Variants in SNTG2 observed in about 807,000 individuals in gnomAD.
SNTG2 encodes the protein syntrophin gamma 2, also known as gamma-2-syntrophin.
SNTG2 carries 74 observed loss-of-function variants against 70.9 expected under a neutral mutation model. The observed-to-expected ratio is 1.04, with a 90% CI of 0.86 to 1.27. SNTG2 has a LOEUF of 1.27. Ranked by LOEUF, SNTG2 falls within the 50% of genes most tolerant of loss-of-function variation. SNTG2 has a pLI of 0.00. For synonymous variants in SNTG2, 278 were observed against 273.8 expected (o/e 1.02, Z -0.15); for missense variants, 717 against 690.7 (o/e 1.04, Z -0.43).
intron 1 of SNTG2, among the ~76,000 whole-genome samples, chr2:967,566 A>C (rs1319261079): frequency 6.6e-6 from 1 of 152,162 alleles, no homozygotes; most frequent in Non-Finnish European, 1.5e-5. Context: ...CTTTGGTCAC[A>C]ATGTATCATC....
intron 14 of SNTG2, among the ~76,000 whole-genome samples, chr2:1,304,728 C>CAA (rs58886426): frequency 7.1e-6 from 1 of 140,756 alleles, no homozygotes; most frequent in Admixed American, 7.0e-5. Context: ...CTCTCTCTCT[C>CAA]AAAAAAAAAA....
intron 1 of SNTG2, among the ~76,000 whole-genome samples, chr2:951,320 C>G (rs6720676): frequency 6.6e-6 from 1 of 152,228 alleles, no homozygotes; most frequent in Non-Finnish European, 1.5e-5. Flanking sequence ...CAGCGTCTTC[C>G]AAGGTTTGGT....
At chr2:1,025,787 A>G (rs1459691339) in intron 1 of SNTG2, among the ~76,000 whole-genome samples, 2 of 152,186 alleles carry the variant, frequency 1.3e-5, no homozygotes, top group African/African-American at 2.4e-5. Context: ...CTCATCTGCA[A>G]TGTCCCCCTG....
chr2:988,425 G>A (rs1272754944), intron 1 of SNTG2, among the ~76,000 whole-genome samples: 1 of 152,172 alleles, frequency 6.6e-6, no homozygotes, highest in Non-Finnish European at 1.5e-5. Flanking sequence ...ATTTTACCAC[G>A]TGGAGTTTTG....
chr2:959,668 A>G (rs1482286186), intron 1 of SNTG2, among the ~76,000 whole-genome samples: 1 of 149,640 alleles, frequency 6.7e-6, no homozygotes, highest in Non-Finnish European at 1.5e-5. Context: ...CCAGTGTCAC[A>G]GAATTGCATC....
chr2:1,243,263 AAAG>A (rs908594920), intron 11 of SNTG2, among the ~76,000 whole-genome samples: 15 of 152,284 alleles, frequency 9.9e-5, no homozygotes, highest in African/African-American at 2.6e-4. Context: ...CCGATATAGA[AAAG>A]AAGAAGAGCC....
intron 8 of SNTG2, among the ~76,000 whole-genome samples, chr2:1,183,675 G>A (rs28566019): frequency 0.32 from 47,909 of 151,930 alleles, 8,130 homozygotes; most frequent in East Asian, 0.66. Flanking sequence ...GTGTGTGTGT[G>A]TACACATATA....
chr2:1,041,368 G>A (rs1342971816), intron 1 of SNTG2, among the ~76,000 whole-genome samples: 1 of 152,180 alleles, frequency 6.6e-6, no homozygotes, highest in Non-Finnish European at 1.5e-5. Flanking sequence ...CTTAAGTAAG[G>A]ATCCAATCTA....
intron 16 of SNTG2, among the ~76,000 whole-genome samples, chr2:1,324,467 A>C (rs1681681095): frequency 6.6e-6 from 1 of 152,240 alleles, no homozygotes; most frequent in African/African-American, 2.4e-5. Flanking sequence ...AAAAAAGAGA[A>C]CCTATTCTAT....
intron 7 of SNTG2, among the ~76,000 whole-genome samples, chr2:1,167,694 C>T (rs1190624460): frequency 7.7e-5 from 6 of 78,274 alleles, no homozygotes; most frequent in East Asian, 6.6e-4. Context: ...GCCTAGAAGC[C>T]GCCCACAGAC....
chr2:1,187,754 A>ACAG (rs1399239973), intron 8 of SNTG2, among the ~76,000 whole-genome samples: 1 of 152,224 alleles, frequency 6.6e-6, no homozygotes, highest in Non-Finnish European at 1.5e-5. Flanking sequence ...AATTTAGTTG[A>ACAG]CAGCAGATTT....
chr2:1,106,073 A>ATGTGTG (rs1666115192), intron 4 of SNTG2, among the ~76,000 whole-genome samples: 6 of 142,086 alleles, frequency 4.2e-5, no homozygotes, highest in South Asian at 2.5e-4. Context: ...GTAATAGTGG[A>ATGTGTG]CACCTGCTGT....
chr2:1,260,399 T>C (rs9330342), intron 13 of SNTG2, among the ~76,000 whole-genome samples: 29,012 of 152,188 alleles, frequency 0.19, 3,533 homozygotes, highest in African/African-American at 0.33. Flanking sequence ...GAAAAATTTA[T>C]TTGGGCAACA....
At chr2:1,254,325 C>T (rs766550737) in intron 12 of SNTG2, among the ~76,000 whole-genome samples, 3 of 152,160 alleles carry the variant, frequency 2.0e-5, no homozygotes, top group Non-Finnish European at 4.4e-5. Flanking sequence ...AACTCACACA[C>T]CCTACTCTCC....
rs140707544 is a variant in SNTG2 at position 1,097,288 on chromosome 2, G to C, written c.211-908G>C. Among the ~76,000 whole-genome samples the C allele has an allele frequency of 4.6e-5, 7 of 152,290 alleles. No homozygotes were observed. In the East Asian group the frequency reaches 7.8e-4, roughly 17 times the overall value. ...GCGGGAGCTCCCAGGTCCCCCCTTCGGCGTGGGCTCTGCCACCCTTTTACT... is the reference window on the plus strand; with the variant it reads ...GCGGGAGCTCCCAGGTCCCCCCTTCCGCGTGGGCTCTGCCACCCTTTTACT... On this transcript the variant is annotated intron_variant, in intron 2 of 16. Transcript: ENST00000308624. The surrounding 1 kb of genome is among the most constrained non-coding windows in gnomAD (Gnocchi z 4.1).
intron 4 of SNTG2, among the ~76,000 whole-genome samples, chr2:1,118,227 T>C (rs1010473283): frequency 1.3e-5 from 2 of 152,150 alleles, no homozygotes; most frequent in Admixed American, 6.5e-5. Context: ...TCAGTGCCAC[T>C]GCAGCTGCTT....
chr2:1,098,284 T>G, intron 3 of SNTG2, 32 bp downstream of exon 3: 3 of 1,613,894 alleles, frequency 1.9e-6, no homozygotes, highest in Admixed American at 3.3e-5. Flanking sequence ...TTCCTGCTTT[T>G]TATTTTTGAA....
chr2:970,982 TA>T (rs1217227404), intron 1 of SNTG2, among the ~76,000 whole-genome samples: 4 of 152,328 alleles, frequency 2.6e-5, no homozygotes, highest in East Asian at 1.9e-4. Context: ...TGGCAATCAT[TA>T]AAAAGTCAGG....
intron 7 of SNTG2, among the ~76,000 whole-genome samples, chr2:1,171,310 G>A (rs1331233148): frequency 1.3e-5 from 2 of 152,160 alleles, no homozygotes; most frequent in Admixed American, 1.3e-4. Context: ...CTATTTACCT[G>A]TTAGCTCATT....
Sources: gnomAD v4.1 joint callset for allele counts (sites outside exome capture counted in the v4.1 genomes callset) on GRCh38, gnomAD v4.1.1 for gene constraint, Gnocchi (gnomAD v3.1) non-coding constraint, MANE v1.5 for transcripts, NCBI Gene and HGNC (gene_info 2026-07-23, HGNC 2026-07-21) for gene names.